The following LOC400499 variants were observed in gnomAD, a reference collection of about 807,000 sequenced individuals.
the LOC400499 span, among the ~76,000 whole-genome samples, chr16:11,382,837 C>G: frequency 6.6e-6 from 1 of 152,118 alleles, no homozygotes; most frequent in Non-Finnish European, 1.5e-5. Flanking sequence ...GGCAAATTTT[C>G]AAGAGGCAAC....
At chr16:11,377,993 C>T in the LOC400499 span, among the ~76,000 whole-genome samples, 1 of 152,166 alleles carries the variant, frequency 6.6e-6, no homozygotes, top group Admixed American at 6.5e-5. Flanking sequence ...TTTCCATCTT[C>T]TATTTCATTT....
the LOC400499 span, among the ~76,000 whole-genome samples, chr16:11,405,360 G>A: frequency 2.0e-5 from 3 of 152,224 alleles, no homozygotes; most frequent in African/African-American, 7.2e-5. Context: ...AGCTAGCCAA[G>A]ACCTGGTCCT....
chr16:11,508,857 T>C, the LOC400499 span: 25 of 398,942 alleles, frequency 6.3e-5, no homozygotes, highest in South Asian at 1.3e-4. Context: ...CATCTGGATC[T>C]GAGATGGTAA....
At chr16:11,436,098 T>A in the LOC400499 span, among the ~76,000 whole-genome samples, 1 of 152,156 alleles carries the variant, frequency 6.6e-6, no homozygotes, top group Non-Finnish European at 1.5e-5. Flanking sequence ...TACAGTCCCA[T>A]CTTGTCCTTT....
chr16:11,385,080 G>C, the LOC400499 span: 1 of 1,232,248 alleles, frequency 8.1e-7, no homozygotes, highest in Non-Finnish European at 1.0e-6. Context: ...GGGCCAGAGG[G>C]GGCTGGGCAG....
At chr16:11,481,828 T>C in the LOC400499 span, among the ~76,000 whole-genome samples, 2 of 151,998 alleles carry the variant, frequency 1.3e-5, no homozygotes, top group African/African-American at 4.8e-5. Flanking sequence ...AGAGACAGGG[T>C]ATCACTATGT....
At chr16:11,428,615 G>A in the LOC400499 span, among the ~76,000 whole-genome samples, 5 of 152,178 alleles carry the variant, frequency 3.3e-5, no homozygotes, top group Non-Finnish European at 5.9e-5. Flanking sequence ...GGTGGCATTC[G>A]GCCGGCTTCT....
At chr16:11,402,370 T>C in the LOC400499 span, 7 of 385,322 alleles carry the variant, frequency 1.8e-5, no homozygotes, top group African/African-American at 8.3e-5. Flanking sequence ...ACTGTCCCTG[T>C]GGGAGCCCCG....
chr16:11,514,869 C>G, the LOC400499 span, among the ~76,000 whole-genome samples: 1 of 152,168 alleles, frequency 6.6e-6, no homozygotes, highest in Non-Finnish European at 1.5e-5. Flanking sequence ...AGAGGCCCAC[C>G]TCCACCTCTT....
At chr16:11,513,699 G>A in the LOC400499 span, among the ~76,000 whole-genome samples, 1 of 151,988 alleles carries the variant, frequency 6.6e-6, no homozygotes, top group Non-Finnish European at 1.5e-5. Context: ...CCAAACCGCT[G>A]GGATTATAGG....
chr16:11,508,779 G>A, the LOC400499 span: 1 of 399,106 alleles, frequency 2.5e-6, no homozygotes, highest in Non-Finnish European at 4.4e-6. Context: ...TGGCCACCAT[G>A]GCCTGGGATG....
chr16:11,486,298 AATGGTAC>A, the LOC400499 span, among the ~76,000 whole-genome samples: 1 of 72,540 alleles, frequency 1.4e-5, no homozygotes, highest in Non-Finnish European at 2.5e-5. Flanking sequence ...TGGATGGATG[AATGGTAC>A]ATGGGTAGAC....
the LOC400499 span, among the ~76,000 whole-genome samples, chr16:11,380,149 T>C: frequency 1.3e-5 from 2 of 152,160 alleles, no homozygotes; most frequent in Non-Finnish European, 2.9e-5. Flanking sequence ...AGATGTATAG[T>C]TATACATCTT....
the LOC400499 span, among the ~76,000 whole-genome samples, chr16:11,404,495 T>C: frequency 1.3e-5 from 2 of 152,188 alleles, no homozygotes; most frequent in Admixed American, 1.3e-4. Flanking sequence ...TGTAGGTGCC[T>C]GCCACCATGC....
the LOC400499 span, chr16:11,392,481 C>T: frequency 2.5e-6 from 1 of 399,100 alleles, no homozygotes; most frequent in African/African-American, 2.1e-5. Context: ...GCCCGCAGCA[C>T]CACACTCTCC....
chr16:11,515,941 C>A, the LOC400499 span: 7 of 388,700 alleles, frequency 1.8e-5, no homozygotes, highest in African/African-American at 1.3e-4. Context: ...CCACTCCAGG[C>A]AGGGCCTGAG....
At chr16:11,521,952 C>G in the LOC400499 span, 8 of 399,142 alleles carry the variant, frequency 2.0e-5, no homozygotes, top group Non-Finnish European at 3.5e-5. Context: ...AGACACTCAC[C>G]CATAAAGCCA....
the LOC400499 span, chr16:11,383,599 G>C: frequency 8.1e-7 from 1 of 1,232,198 alleles, no homozygotes; most frequent in Non-Finnish European, 1.0e-6. Context: ...CTGGAAGGCA[G>C]ATGCCAGACG....
At chr16:11,373,487 C>A in the LOC400499 span, among the ~76,000 whole-genome samples, 1 of 152,136 alleles carries the variant, frequency 6.6e-6, no homozygotes, top group African/African-American at 2.4e-5. Context: ...GCGCCTGCCA[C>A]CACGCCCGGC....
Sources: gnomAD v4.1 joint callset for allele counts (sites outside exome capture counted in the v4.1 genomes callset) on GRCh38, gnomAD v4.1.1 for gene constraint, MANE v1.5 for transcripts.